ZP2: variants seen among roughly 807,000 people sequenced by gnomAD.
ZP2 encodes zona pellucida sperm-binding protein 2.
In ZP2, 51 loss-of-function variants were observed where a neutral mutation model predicts 84.0. The observed-to-expected ratio is 0.61, with a 90% confidence interval of 0.49 to 0.77. The LOEUF is 0.77. Ranked by LOEUF, ZP2 falls within the 30% of genes least tolerant of loss-of-function variation. The pLI, the probability that ZP2 is intolerant of heterozygous loss-of-function variation, is 0.00. For missense variants in ZP2, 909 were observed against 911.9 expected, an observed-to-expected ratio of 1.00 and a Z score of 0.04; for synonymous variants, 375 against 330.9, an observed-to-expected ratio of 1.13 and a Z score of -1.45.
chr16:21,209,743 G>C lies in ZP2; in HGVS notation c.236-18C>G. ...AAGAGGATCTGCCAAGGCCAGAGCA[G>C]GTTAGACAGGATGGCTGAGTACATT... On this transcript the variant is annotated intron_variant, in intron 3 of 18. Transcript: ENST00000574091. 1.2e-6 allele frequency: 2 copies of C among 1,611,738 alleles called. No homozygotes were observed. The highest frequency in any genetic ancestry group is 2.2e-5 in the South Asian group (2 of 91,024).
intron 7 of ZP2, 116 bp from the exon 8 acceptor site, chr16:21,204,520 G>A (rs779133766): frequency 5.2e-6 from 4 of 773,716 alleles, no homozygotes; most frequent in Non-Finnish European, 8.4e-6. Flanking sequence ...GACACAAGTA[G>A]GATTTAAGCA....
Position 21,211,525 on chromosome 16 carries a change from C to T in ZP2, c.23G>A (p.Gly8Asp). MACRQRGGSWSPSGWFNA... is the reference protein window; with the variant it reads MACRQRGDSWSPSGWFNA... The stretch of plus-strand genomic sequence containing the variant: ...GAACCAGCCTGAGGGACTCCAAGAG[C>T]CTCCTCTCTGCCTGCACGCCATAGC... Residue 8 changes from glycine to aspartate, a missense_variant, in exon 1 of 19, where the codon GGC (glycine) becomes GAC (aspartate). Physicochemically the swap from Gly to Asp is moderately conservative, Grantham distance 94. Transcript: ENST00000574091. 1 of 1,614,204 alleles carries T rather than the reference C, an allele frequency of 6.2e-7. No individual in the cohort carries two copies. Among genetic ancestry groups the T allele is most frequent in the Admixed American group, 1.7e-5 (1 of 60,016 alleles).
intron 16 of ZP2, 95 bp from the exon 17 acceptor site, chr16:21,198,957 A>G: frequency 8.9e-7 from 1 of 1,120,322 alleles, no homozygotes; most frequent in South Asian, 1.3e-5. Flanking sequence ...TCTCTGGAGT[A>G]TTTTGTTCAT....
chr16:21,207,898 A>G (rs959421037), intron 4 of ZP2, among the ~76,000 whole-genome samples: 5 of 151,990 alleles, frequency 3.3e-5, no homozygotes, highest in Non-Finnish European at 5.9e-5. Context: ...TGAAAACCAA[A>G]CCAAAACAAA....
intron 10 of ZP2, among the ~76,000 whole-genome samples, chr16:21,202,810 G>T (rs1175549189): frequency 1.3e-5 from 2 of 151,614 alleles, no homozygotes; most frequent in African/African-American, 4.8e-5. Flanking sequence ...ATTTTGGGGT[G>T]GGGGGGTACT....
At chr16:21,209,978 T>G in intron 3 of ZP2, 131 bp downstream of exon 3, 1 of 822,282 alleles carries the variant, frequency 1.2e-6, no homozygotes, top group Non-Finnish European at 2.0e-6. Context: ...AAATCAGGTA[T>G]CCCCATGGCA....
rs1178306446 is a variant in ZP2 at position 21,211,264 on chromosome 16, T to C, written c.151+43A>G. The C allele has an allele frequency of 3.2e-6, 5 of 1,584,868 alleles. No homozygotes were observed. The South Asian group carries it at 4.5e-5, about 14-fold the overall frequency. ...CCAGCTAGGCCTTCCAGCTGCAACC[T>C]GTTTTCTCTGCTAAGAAGACTTCTG... On this transcript the variant is annotated intron_variant, in intron 2 of 18. Transcript: ENST00000574091.
At chr16:21,209,043 T>C (rs1219275558) in intron 4 of ZP2, among the ~76,000 whole-genome samples, 1 of 152,186 alleles carries the variant, frequency 6.6e-6, no homozygotes. Context: ...GGAGGAGACT[T>C]GGGTAATGTT....
chr16:21,206,745 T>A, intron 5 of ZP2, 93 bp downstream of exon 5: 1 of 1,489,730 alleles, frequency 6.7e-7, no homozygotes, highest in Non-Finnish European at 9.2e-7. Flanking sequence ...GATTAAATCA[T>A]GGTCTGATTT....
At chr16:21,202,577 C>T (rs1393933140) in intron 10 of ZP2, among the ~76,000 whole-genome samples, 6 of 152,164 alleles carry the variant, frequency 3.9e-5, no homozygotes, top group African/African-American at 1.4e-4. Flanking sequence ...TGATGAAGGG[C>T]AGGAGTTGAC....
Position 21,211,408 on chromosome 16 carries a change from A to T in ZP2, c.63-13T>A. 6.2e-7 allele frequency: 1 copy of T among 1,614,204 alleles called. No homozygotes were observed. Among genetic ancestry groups the T allele is most frequent in the East Asian group, 2.2e-5 (1 of 44,888 alleles). On this transcript the variant is annotated splice_polypyrimidine_tract_variant and intron_variant, in intron 1 of 18. Coordinates refer to ENST00000574091, the MANE Select transcript of ZP2 (RefSeq NM_001376232.1). ...CGACCTGTAGGTGCTGGAAAGAGACAGGGAGATAGTCAAGGAAGAATGGAC... is the reference window on the plus strand; with the variant it reads ...CGACCTGTAGGTGCTGGAAAGAGACTGGGAGATAGTCAAGGAAGAATGGAC...
chr16:21,197,529 A>G lies in ZP2; in HGVS notation c.2189T>C (p.Leu730Pro). The change falls in exon 19 of 19, where the codon CTA (leucine) becomes CCA (proline). Residue 730 changes from leucine (L) to proline (P), a missense_variant. By Grantham distance (98) the Leu-to-Pro change is moderately conservative. Transcript: ENST00000574091. ...VAAFAGVVAT[L>P]GFIYYLYEKR... ...CTCGTACAGGTAGTAGATGAAGCCT[A>G]GAGTTGCCACCACACCTGCAAAGGC... 6.2e-7 allele frequency: 1 copy of G among 1,614,110 alleles called. No homozygotes were observed. Among genetic ancestry groups the G allele is most frequent in the Non-Finnish European group, 8.5e-7 (1 of 1,179,962 alleles).
intron 5 of ZP2, 89 bp downstream of exon 5, chr16:21,206,749 C>T: frequency 1.3e-6 from 2 of 1,520,022 alleles, no homozygotes; most frequent in South Asian, 1.2e-5. Flanking sequence ...AAATCATGGT[C>T]TGATTTCTAA....
At chr16:21,207,473 C>T (rs1375109077) in intron 4 of ZP2, among the ~76,000 whole-genome samples, 1 of 152,080 alleles carries the variant, frequency 6.6e-6, no homozygotes, top group Non-Finnish European at 1.5e-5. Flanking sequence ...TAGCATATTT[C>T]CTTAAAAGAA....
rs2152856022 is a variant in ZP2, at chr16:21,206,948, C to A, written c.373G>T (p.Ala125Ser). ...ATGACAGCTCCGTGTCTTAAGGCAG[C>A]ACTGTTGTTCATGACTCTGATGGTC... is the stretch of plus-strand genomic sequence containing the variant. ...QMTIRVMNNS[A>S]ALRHGAVMYQ... is the part of the protein sequence containing the mutation. The change falls in exon 5 of 19, where the codon GCT becomes TCT. Residue 125 changes from alanine (A) to serine (S), a missense_variant. Physicochemically the swap from Ala to Ser is moderately conservative, Grantham distance 99. Coordinates refer to ENST00000574091, the MANE Select transcript of ZP2 (RefSeq NM_001376232.1). The A allele has an allele frequency of 6.2e-7, 1 of 1,614,124 alleles. No individual in the cohort carries two copies. Among genetic ancestry groups the A allele is most frequent in the Non-Finnish European group, 8.5e-7 (1 of 1,180,016 alleles).
intron 9 of ZP2, chr16:21,203,686 T>A (rs991663185): frequency 2.5e-6 from 1 of 394,784 alleles, no homozygotes; most frequent in African/African-American, 2.0e-5. Flanking sequence ...GGGACCCTTT[T>A]GTTTAGATCA....
At chr16:21,205,841 A>C in intron 5 of ZP2, 66 bp from the exon 6 acceptor site, 1 of 1,554,344 alleles carries the variant, frequency 6.4e-7, no homozygotes, top group Admixed American at 1.7e-5. Context: ...TTCATGCCAG[A>C]AATTGCTGTG....
Position 21,210,094 on chromosome 16 carries a change from A to G in ZP2, c.235+15T>C, listed in dbSNP as rs1355057691. On this transcript the variant is annotated intron_variant, in intron 3 of 18. Transcript: ENST00000574091. ...TGCTAATCAGGACTATGAGGAGATA[A>G]CACACGTTACCTACCCACCACAGAT... 1.9e-6 allele frequency: 3 copies of G among 1,611,750 alleles called. No individual in the cohort carries two copies. Among genetic ancestry groups the G allele is most frequent in the Non-Finnish European group, 2.5e-6 (3 of 1,177,928 alleles).
upstream of ZP2, chr16:21,211,655 C>CT (rs1567218486): frequency 6.3e-7 from 1 of 1,595,998 alleles, no homozygotes; most frequent in Non-Finnish European, 8.5e-7. Flanking sequence ...GCACCTGAAT[C>CT]TTGTCCCATT....
Sources: allele counts gnomAD v4.1 joint callset (sites outside exome capture counted in the v4.1 genomes callset), GRCh38; gene constraint gnomAD v4.1.1; transcripts MANE v1.5; gene names NCBI Gene and HGNC (gene_info 2026-07-23, HGNC 2026-07-21).